Variants in MKLN1 observed in about 807,000 individuals in gnomAD.
MKLN1 encodes muskelin 1.
Under a neutral mutation model 99.0 loss-of-function variants are expected in MKLN1, and 18 were observed. That is an observed-to-expected ratio of 0.18 (90% confidence interval 0.13 to 0.27). The LOEUF is 0.27. Ranked by LOEUF, MKLN1 falls within the 10% of genes least tolerant of loss-of-function variation. The pLI is 1.00. For synonymous variants in MKLN1, 288 were observed against 293.2 expected (o/e 0.98, Z 0.18); for missense variants, 621 against 875.9 (o/e 0.71, Z 3.67).
intron 3 of MKLN1, among the ~76,000 whole-genome samples, chr7:131,291,780 G>A (rs79933899): frequency 1.5e-4 from 18 of 119,286 alleles, no homozygotes; most frequent in African/African-American, 1.9e-4. Context: ...AAAAAAAAAA[G>A]AAAAAAAAGA....
intron 10 of MKLN1, 59 bp from the exon 11 acceptor site, chr7:131,443,422 T>TTTA: frequency 7.7e-7 from 1 of 1,304,414 alleles, no homozygotes; most frequent in Non-Finnish European, 1.1e-6. Flanking sequence ...TTGGTTTTGT[T>TTTA]TTAGCACATA....
chr7:131,469,329 C>T (rs1353434979), intron 15 of MKLN1, among the ~76,000 whole-genome samples: 1 of 152,120 alleles, frequency 6.6e-6, no homozygotes, highest in Non-Finnish European at 1.5e-5. Flanking sequence ...CCTTATGTGT[C>T]TCACATTCAG....
At chr7:131,384,181 G>C (rs1424222440) in intron 2 of MKLN1, among the ~76,000 whole-genome samples, 1 of 134,544 alleles carries the variant, frequency 7.4e-6, no homozygotes, top group Non-Finnish European at 1.6e-5. Flanking sequence ...TTTTTTTTTT[G>C]CCTGGCTGGC....
chr7:131,210,238 C>G (rs951181936), intron 3 of MKLN1, among the ~76,000 whole-genome samples: 1 of 152,032 alleles, frequency 6.6e-6, no homozygotes, highest in African/African-American at 2.4e-5. Flanking sequence ...CACTAGAAAA[C>G]ATGAAGCATT....
chr7:131,269,911 T>TTTTTA (rs970504820), intron 3 of MKLN1, among the ~76,000 whole-genome samples: 6 of 152,064 alleles, frequency 3.9e-5, no homozygotes, highest in East Asian at 3.8e-4. Flanking sequence ...TTTCTTTTTC[T>TTTTTA]TTTTATTTTA....
intron 3 of MKLN1, among the ~76,000 whole-genome samples, chr7:131,248,040 T>C (rs1183169259): frequency 6.6e-6 from 1 of 151,828 alleles, no homozygotes; most frequent in African/African-American, 2.4e-5. Context: ...CTGAGACTAC[T>C]GGCATGTGCC....
chr7:131,166,116 A>G (rs1451283112), intron 2 of MKLN1, among the ~76,000 whole-genome samples: 2 of 152,084 alleles, frequency 1.3e-5, no homozygotes, highest in Non-Finnish European at 2.9e-5. Flanking sequence ...AAAAAAAAAG[A>G]AAATGATTAT....
chr7:131,403,897 C>T (rs1794625133), intron 6 of MKLN1, among the ~76,000 whole-genome samples: 1 of 152,114 alleles, frequency 6.6e-6, no homozygotes, highest in Non-Finnish European at 1.5e-5. Flanking sequence ...TGAAGAAATT[C>T]TGTTGGAAAA....
At chr7:131,427,012 CAT>C (rs1795377027) in intron 8 of MKLN1, among the ~76,000 whole-genome samples, 1 of 152,068 alleles carries the variant, frequency 6.6e-6, no homozygotes, top group Non-Finnish European at 1.5e-5. Flanking sequence ...TGCCTGGCCT[CAT>C]ATAACTTATA....
intron 16 of MKLN1, among the ~76,000 whole-genome samples, chr7:131,477,383 C>T (rs1330681616): frequency 3.6e-5 from 5 of 139,398 alleles, no homozygotes; most frequent in Non-Finnish European, 7.8e-5. Flanking sequence ...TCGTCTCTAC[C>T]AAAAAAAAAA....
intron 1 of MKLN1, among the ~76,000 whole-genome samples, chr7:131,112,644 C>T (rs1012879587): frequency 6.6e-6 from 1 of 152,188 alleles, no homozygotes; most frequent in South Asian, 2.1e-4. Context: ...CTCAAGCAAG[C>T]CTCCCACCTC....
chr7:131,429,914 G>A (rs148038276), intron 9 of MKLN1, among the ~76,000 whole-genome samples: 27 of 152,262 alleles, frequency 1.8e-4, no homozygotes, highest in Admixed American at 4.6e-4. Context: ...TTGTATATAT[G>A]TATGCATGTA....
intron 2 of MKLN1, among the ~76,000 whole-genome samples, chr7:131,147,671 A>T (rs1045442452): frequency 1.3e-5 from 2 of 152,216 alleles, no homozygotes; most frequent in African/African-American, 2.4e-5. Context: ...CTACAGTCAC[A>T]TAGCTAGAAA....
intron 2 of MKLN1, among the ~76,000 whole-genome samples, chr7:131,189,652 A>C (rs891891420): frequency 6.6e-6 from 1 of 152,166 alleles, no homozygotes; most frequent in African/African-American, 2.4e-5. Context: ...GCAAGATGCC[A>C]GTGCCTTTAT....
rs1584762401 is a variant in MKLN1, at chr7:131,456,551, G to T, written c.1526-6666G>T. 2.0e-5 allele frequency among the ~76,000 whole-genome samples: 3 copies of T among 152,230 alleles called. No homozygotes were observed. In the East Asian group the frequency reaches 5.8e-4, roughly 29 times the overall value. ...TCAGAATTCGGTGGGCAAACATTAT[G>T]TCAGTGCAGAAACCCTGCTGGAGTT... On this transcript the variant is annotated intron_variant, in intron 12 of 17. Transcript: ENST00000352689.
Position 131,487,834 on chromosome 7 carries a change from C to G in MKLN1, c.*106C>G. 7.5e-7 allele frequency: 1 copy of G among 1,339,460 alleles called. No individual in the cohort carries two copies. The highest frequency in any genetic ancestry group is 1.0e-6 in the Non-Finnish European group (1 of 977,046). The allele number at this position is 1,339,460 out of a possible 1,614,324, so 83.0% of individuals were successfully genotyped here. A position where few individuals can be genotyped will look rare whatever the true frequency, so the allele number is the denominator to read the frequency against. ...AAAGCTGCAGTGATTGAGGACTGCACCAGAGTTCTGAAGGGATCTTAACCA... is the reference window on the plus strand; with the variant it reads ...AAAGCTGCAGTGATTGAGGACTGCAGCAGAGTTCTGAAGGGATCTTAACCA... On this transcript the variant is annotated 3_prime_UTR_variant, in exon 18 of 18. Coordinates refer to ENST00000352689, the MANE Select transcript of MKLN1 (RefSeq NM_013255.5). This position sits in a 1 kb window ranked among gnomAD's most constrained non-coding sequence, Gnocchi z 4.7.
intron 3 of MKLN1, among the ~76,000 whole-genome samples, chr7:131,234,504 A>C (rs955573972): frequency 2.6e-5 from 4 of 152,150 alleles, no homozygotes; most frequent in Admixed American, 2.6e-4. Flanking sequence ...TACACTCCAG[A>C]GGACTCGTGT....
chr7:131,303,179 A>C (rs987612070), intron 3 of MKLN1, among the ~76,000 whole-genome samples: 3 of 152,246 alleles, frequency 2.0e-5, no homozygotes, highest in African/African-American at 7.2e-5. Context: ...TAAGCTCTGC[A>C]AACCAAGGAA....
chr7:131,231,582 C>A (rs928263844), intron 3 of MKLN1, among the ~76,000 whole-genome samples: 1 of 152,090 alleles, frequency 6.6e-6, no homozygotes, highest in Admixed American at 6.6e-5. Flanking sequence ...AGGATGGATG[C>A]GTTGAGGCTG....
Sources: allele counts gnomAD v4.1 joint callset (sites outside exome capture counted in the v4.1 genomes callset), GRCh38; gene constraint gnomAD v4.1.1; non-coding constraint Gnocchi (gnomAD v3.1); transcripts MANE v1.5; gene names NCBI Gene and HGNC (gene_info 2026-07-23, HGNC 2026-07-21).